NYAP2: variants seen among roughly 807,000 people sequenced by gnomAD.
The protein encoded by NYAP2 is neuronal tyrosine-phosphorylated phosphoinositide-3-kinase adapter 2.
In NYAP2, 23 loss-of-function variants were observed where a neutral mutation model predicts 50.4. The ratio of observed to expected loss-of-function variants is 0.46; its 90% CI spans 0.33 to 0.65. NYAP2 has a LOEUF of 0.65. Among genes scored for constraint, NYAP2 ranks in the 30% least tolerant of loss-of-function variants. The pLI, the probability that NYAP2 is intolerant of heterozygous loss-of-function variation, is 0.02. For missense variants in NYAP2, 885 were observed against 861.0 expected, an observed-to-expected ratio of 1.03 and a Z score of -0.35; for synonymous variants, 394 against 365.2, an observed-to-expected ratio of 1.08 and a Z score of -0.90.
At chr2:225,561,406 A>G (rs949440352) in intron 4 of NYAP2, among the ~76,000 whole-genome samples, 2 of 152,156 alleles carry the variant, frequency 1.3e-5, no homozygotes, top group African/African-American at 4.8e-5. Flanking sequence ...AACCTGGAAG[A>G]AAGGCACAAA....
chr2:225,476,912 T>A (rs1208481478), intron 3 of NYAP2, among the ~76,000 whole-genome samples: 4 of 152,188 alleles, frequency 2.6e-5, no homozygotes. Flanking sequence ...TAATTGACTT[T>A]AAAAAACGGC....
At chr2:225,424,181 G>T (rs2106128814) in intron 3 of NYAP2, among the ~76,000 whole-genome samples, 1 of 152,174 alleles carries the variant, frequency 6.6e-6, no homozygotes, top group Non-Finnish European at 1.5e-5. Flanking sequence ...AGTGAACCAA[G>T]AATATGTTAT....
the NYAP2 span, among the ~76,000 whole-genome samples, chr2:225,659,465 A>G: frequency 1.1e-4 from 16 of 152,166 alleles, no homozygotes; most frequent in African/African-American, 3.9e-4. Context: ...GATGGGTACT[A>G]TTATTATCCC....
chr2:225,661,511 T>C, the NYAP2 span, among the ~76,000 whole-genome samples: 1 of 152,206 alleles, frequency 6.6e-6, no homozygotes, highest in Non-Finnish European at 1.5e-5. Context: ...TTATCTAATG[T>C]TGTTCTTACA....
intron 1 of NYAP2, 79 bp from the exon 2 acceptor site, chr2:225,400,480 AAG>A (rs1007714379): frequency 3.3e-5 from 5 of 152,012 alleles, no homozygotes; most frequent in Non-Finnish European, 7.4e-5. Flanking sequence ...GGCAATGAGA[AAG>A]AGCATCTTTT....
At chr2:225,551,125 G>A (rs963952308) in intron 4 of NYAP2, among the ~76,000 whole-genome samples, 3 of 152,084 alleles carry the variant, frequency 2.0e-5, no homozygotes, top group African/African-American at 7.2e-5. Flanking sequence ...AGATAATAAT[G>A]GTTTATTTTA....
intron 4 of NYAP2, among the ~76,000 whole-genome samples, chr2:225,553,399 A>G (rs1691716999): frequency 6.6e-6 from 1 of 152,238 alleles, no homozygotes; most frequent in Non-Finnish European, 1.5e-5. Flanking sequence ...CTCCAGAATC[A>G]CAGGGCTGAA....
intron 3 of NYAP2, among the ~76,000 whole-genome samples, chr2:225,431,511 C>T (rs1695365803): frequency 6.6e-6 from 1 of 152,162 alleles, no homozygotes; most frequent in Non-Finnish European, 1.5e-5. Context: ...AAGCTTTGAA[C>T]TTCAAGGGAG....
At chr2:225,410,459 A>C (rs1695019571) in intron 3 of NYAP2, among the ~76,000 whole-genome samples, 1 of 151,570 alleles carries the variant, frequency 6.6e-6, no homozygotes, top group African/African-American at 2.4e-5. Context: ...TTTGATGGAC[A>C]TTTTTTTGTG....
At chr2:225,578,788 G>C (rs892365471) in intron 4 of NYAP2, among the ~76,000 whole-genome samples, 1 of 152,084 alleles carries the variant, frequency 6.6e-6, no homozygotes, top group Non-Finnish European at 1.5e-5. Flanking sequence ...AATGTTCATC[G>C]TTCATCTGTA....
chr2:225,610,685 C>G (rs1377295936), intron 5 of NYAP2, among the ~76,000 whole-genome samples: 1 of 152,142 alleles, frequency 6.6e-6, no homozygotes, highest in Non-Finnish European at 1.5e-5. Flanking sequence ...CAGCAACAGG[C>G]TATCAGTAGG....
At chr2:225,499,510 G>A (rs1003325982) in intron 3 of NYAP2, among the ~76,000 whole-genome samples, 3 of 151,882 alleles carry the variant, frequency 2.0e-5, no homozygotes, top group Admixed American at 6.6e-5. Flanking sequence ...TAGAGACGGG[G>A]TTTCATAGTG....
intron 5 of NYAP2, among the ~76,000 whole-genome samples, chr2:225,613,842 AAGG>A (rs1420446138): frequency 6.6e-6 from 1 of 152,174 alleles, no homozygotes; most frequent in Non-Finnish European, 1.5e-5. Context: ...AGGTAGTAGA[AAGG>A]AGAATTAAAT....
At chr2:225,601,856 C>T (rs184534402) in intron 5 of NYAP2, among the ~76,000 whole-genome samples, 8 of 152,256 alleles carry the variant, frequency 5.3e-5, no homozygotes, top group Admixed American at 2.0e-4. Context: ...TTTCACTCTG[C>T]TGATAGTGTC....
At chr2:225,531,189 C>T (rs1188419251) in intron 4 of NYAP2, among the ~76,000 whole-genome samples, 1 of 152,200 alleles carries the variant, frequency 6.6e-6, no homozygotes, top group African/African-American at 2.4e-5. Context: ...AGAGCCACAC[C>T]TCCTGCCAAC....
At chr2:225,572,939 C>G (rs1692101510) in intron 4 of NYAP2, among the ~76,000 whole-genome samples, 1 of 152,120 alleles carries the variant, frequency 6.6e-6, no homozygotes, top group Admixed American at 6.5e-5. Flanking sequence ...AATACCTTGT[C>G]TCTGATTTCA....
chr2:225,468,198 C>T (rs796985447), intron 3 of NYAP2, among the ~76,000 whole-genome samples: 6 of 152,182 alleles, frequency 3.9e-5, no homozygotes, highest in African/African-American at 1.4e-4. Flanking sequence ...TGAGATCATG[C>T]TGGATTAGGT....
chr2:225,652,130 G>A (rs1693742849), exon 7 of NYAP2: 2 of 152,116 alleles, frequency 1.3e-5, no homozygotes, highest in South Asian at 2.1e-4. Context: ...TTCATATCCC[G>A]ATTCATTTGG....
intron 4 of NYAP2, among the ~76,000 whole-genome samples, chr2:225,543,415 C>T (rs1267117095): frequency 6.6e-6 from 1 of 151,794 alleles, no homozygotes; most frequent in Non-Finnish European, 1.5e-5. Context: ...TGTTTTATGA[C>T]TGTTTTCACT....
Sources: allele counts gnomAD v4.1 joint callset (sites outside exome capture counted in the v4.1 genomes callset), GRCh38; gene constraint gnomAD v4.1.1; transcripts MANE v1.5; gene names NCBI Gene and HGNC (gene_info 2026-07-23, HGNC 2026-07-21).